ACIN1: variants seen among roughly 807,000 people sequenced by gnomAD.
ACIN1 encodes apoptotic chromatin condensation inducer 1.
In ACIN1, 16 loss-of-function variants were observed where a neutral mutation model predicts 146.6. The ratio of observed to expected loss-of-function variants is 0.11; its 90% CI spans 0.07 to 0.17. The LOEUF (loss-of-function observed/expected upper bound fraction) is 0.17. ACIN1 is among the 10% of genes least tolerant of loss of function. ACIN1 has a pLI of 1.00. For missense variants in ACIN1, 1,357 were observed against 1,609.3 expected (o/e 0.84, Z 2.68); for synonymous variants, 569 against 582.7 (o/e 0.98, Z 0.34).
Position 23,062,359 on chromosome 14 carries a change from A to G in ACIN1, c.2991+57T>C. ...CTGCAACACCCTTAAACCTGCCCAC[A>G]CTGGTCACAAAAGGAAATATATGCC... On this transcript the variant is annotated intron_variant, in intron 15 of 18. Transcript: ENST00000605057. 4 of 1,606,396 alleles carry G rather than the reference A, an allele frequency of 2.5e-6. No homozygotes were observed. The East Asian group carries it at 6.7e-5, about 27-fold the overall frequency.
At chr14:23,061,971 CAAAAAAAAAAAAA>C (rs57962360) in intron 16 of ACIN1, among the ~76,000 whole-genome samples, 184 bp downstream of exon 16, 1 of 59,146 alleles carries the variant, frequency 1.7e-5, no homozygotes, top group East Asian at 4.6e-4. Flanking sequence ...GACTCTGTCT[CAAAAAAAAAAAAA>C]AAAAAAAAAG....
At chr14:23,088,936 A>G (rs17126444) in intron 4 of ACIN1, among the ~76,000 whole-genome samples, 3,421 of 152,314 alleles carry the variant, frequency 0.022, 144 homozygotes, top group African/African-American at 0.077. Context: ...CAACCTGCAC[A>G]TATTTTCCTC....
At chr14:23,064,763 G>A (rs945930305) in intron 10 of ACIN1, 11 of 344,096 alleles carry the variant, frequency 3.2e-5, no homozygotes, top group Non-Finnish European at 5.4e-5. Flanking sequence ...CAGGCGTTGT[G>A]GTGCATGCCT....
chr14:23,093,365 G>T, intron 2 of ACIN1, 114 bp downstream of exon 2: 1 of 1,084,348 alleles, frequency 9.2e-7, no homozygotes, highest in East Asian at 2.5e-5. Flanking sequence ...TTCTGACTAA[G>T]AGAACTTAGG....
Position 23,095,128 on chromosome 14 carries a change from C to G in ACIN1, c.-16G>C. ...GCTCCGCCATCTTGCGTGAGGTACT[C>G]GGGTCCGTCCCGACGGCTTCGGGCA... On this transcript the variant is annotated 5_prime_UTR_variant, in exon 1 of 19. Transcript: ENST00000605057. 2 of 1,614,246 alleles carry G rather than the reference C, an allele frequency of 1.2e-6. No homozygotes were observed. The highest frequency in any genetic ancestry group is 2.2e-5 in the East Asian group (1 of 44,880).
chr14:23,093,213 A>G (rs1047680568), intron 2 of ACIN1, among the ~76,000 whole-genome samples: 9 of 152,294 alleles, frequency 5.9e-5, no homozygotes, highest in African/African-American at 2.2e-4. Context: ...TCTGTACTAC[A>G]CGTAATTAAT....
upstream of ACIN1, chr14:23,095,574 A>G (rs978969043): frequency 2.3e-6 from 1 of 428,588 alleles, no homozygotes; most frequent in East Asian, 4.2e-5. Context: ...GTTGGAGTCT[A>G]AGGACTCGTG....
At chr14:23,071,758 G>C in intron 8 of ACIN1, 1 of 519,388 alleles carries the variant, frequency 1.9e-6, no homozygotes, top group East Asian at 3.3e-5. Flanking sequence ...CCCAGGGCTG[G>C]AGTGCTCCCT....
intron 8 of ACIN1, chr14:23,071,398 C>G: frequency 6.4e-7 from 1 of 1,551,010 alleles, no homozygotes; most frequent in Non-Finnish European, 8.7e-7. Flanking sequence ...ACAGATCTGG[C>G]TTTTAAGAGA....
At chr14:23,061,971 C>CAAAAAAAAAAAACAAAAAAAAAAAA (rs2047303927) in intron 16 of ACIN1, among the ~76,000 whole-genome samples, 197 bp downstream of exon 16, 1 of 59,146 alleles carries the variant, frequency 1.7e-5, no homozygotes, top group African/African-American at 7.3e-5. Flanking sequence ...GACTCTGTCT[C>CAAAAAAAAAAAACAAAAAAAAAAAA]AAAAAAAAAA....
At chr14:23,060,371 T>A (rs532440049) in intron 18 of ACIN1, among the ~76,000 whole-genome samples, 70 of 152,204 alleles carry the variant, frequency 4.6e-4, no homozygotes, top group South Asian at 1.0e-3. Flanking sequence ...TGTGAACAAA[T>A]CTCTTTTTTG....
Position 23,080,299 on chromosome 14 carries a change from G to T in ACIN1, c.1036C>A (p.Leu346Met). 6.2e-7 allele frequency: 1 copy of T among 1,614,218 alleles called. No homozygotes were observed. Among genetic ancestry groups the T allele is most frequent in the Non-Finnish European group, 8.5e-7 (1 of 1,180,030 alleles). ...EDRKKASLVA[L>M]PEQTASEEET... The stretch of plus-strand genomic sequence containing the variant: ...TCCTCGCTGGCAGTTTGCTCTGGCA[G>T]CGCTACAAGTGAGGCCTTCTTTCGA... The change falls in exon 6 of 19, where the codon CTG becomes ATG. Residue 346 changes from leucine to methionine, a missense_variant. Transcript: ENST00000605057.
At chr14:23,083,528 C>T (rs984188874) in intron 4 of ACIN1, among the ~76,000 whole-genome samples, 1 of 152,114 alleles carries the variant, frequency 6.6e-6, no homozygotes, top group Non-Finnish European at 1.5e-5. Context: ...GTCAGGAGAT[C>T]GAGACCATCC....
At chr14:23,084,308 T>C (rs1013019234) in intron 4 of ACIN1, among the ~76,000 whole-genome samples, 1 of 152,016 alleles carries the variant, frequency 6.6e-6, no homozygotes, top group Admixed American at 6.5e-5. Flanking sequence ...GTAATAATAA[T>C]TAAAAAATCA....
chr14:23,061,846 C>A (rs371056360), intron 16 of ACIN1, among the ~76,000 whole-genome samples: 1 of 151,772 alleles, frequency 6.6e-6, no homozygotes, highest in African/African-American at 2.4e-5. Flanking sequence ...TGGTGGCGGG[C>A]GCCTGTAGTC....
chr14:23,084,606 T>A (rs1404269205), intron 4 of ACIN1, among the ~76,000 whole-genome samples: 2 of 142,752 alleles, frequency 1.4e-5, no homozygotes, highest in African/African-American at 2.8e-5. Context: ...CGAGACTCCA[T>A]CTCAAAAAAG....
Position 23,068,248 on chromosome 14 carries a change from A to G in ACIN1, c.2265+1228T>C. 3 of 983,338 alleles carry G rather than the reference A, an allele frequency of 3.1e-6. No individual in the cohort carries two copies. The highest frequency in any genetic ancestry group is 3.6e-6 in the Non-Finnish European group (3 of 828,224). 60.9% of individuals were successfully genotyped at this position (983,338 alleles called of 1,614,324 possible). On this transcript the variant is annotated intron_variant, in intron 9 of 18. Coordinates refer to ENST00000605057, the MANE Select transcript of ACIN1 (RefSeq NM_001386863.1). The surrounding 1 kb of genome is among the most constrained non-coding windows in gnomAD (Gnocchi z 4.3). ...TGGCACTGCGATCACAAACTTTAGG[A>G]GGTCTTGGTGCCCTAGATGGGGATC... is the stretch of plus-strand genomic sequence containing the variant.
At chr14:23,071,507 T>C (rs1306567253) in intron 8 of ACIN1, 36 of 1,551,498 alleles carry the variant, frequency 2.3e-5, no homozygotes, top group Non-Finnish European at 3.0e-5. Context: ...CTGGCTCTAT[T>C]GTATTGGCGG....
At chr14:23,078,780 A>C in intron 7 of ACIN1, 40 bp downstream of exon 7, 1 of 1,585,282 alleles carries the variant, frequency 6.3e-7, no homozygotes, top group Non-Finnish European at 8.6e-7. Context: ...ATCTTGCTTA[A>C]TCCTCCATCT....
Sources: gnomAD v4.1 joint callset for allele counts (sites outside exome capture counted in the v4.1 genomes callset) on GRCh38, gnomAD v4.1.1 for gene constraint, Gnocchi (gnomAD v3.1) non-coding constraint, MANE v1.5 for transcripts, NCBI Gene and HGNC (gene_info 2026-07-23, HGNC 2026-07-21) for gene names.